Variants in PTPRZ1 observed in about 807,000 individuals in gnomAD.
PTPRZ1 encodes receptor-type tyrosine-protein phosphatase zeta.
PTPRZ1 carries 82 observed loss-of-function variants against 214.1 expected under a neutral mutation model. The observed-to-expected ratio is 0.38, with a 90% CI of 0.32 to 0.46. The LOEUF is 0.46. PTPRZ1 is among the 20% of genes least tolerant of loss of function. The pLI, the probability that PTPRZ1 is intolerant of heterozygous loss-of-function variation, is 1.00. For missense variants in PTPRZ1, 2,603 were observed against 2,748.7 expected (o/e 0.95, Z 1.19); for synonymous variants, 945 against 987.9 (o/e 0.96, Z 0.81).
intron 12 of PTPRZ1, among the ~76,000 whole-genome samples, chr7:122,014,237 G>A (rs1014506539): frequency 2.1e-4 from 32 of 151,950 alleles, no homozygotes; most frequent in Non-Finnish European, 3.5e-4. Context: ...ATCAGAGTAT[G>A]CTATTTTAGA....
At chr7:121,987,173 T>A (rs1379054736) in intron 8 of PTPRZ1, among the ~76,000 whole-genome samples, 1 of 152,226 alleles carries the variant, frequency 6.6e-6, no homozygotes, top group Non-Finnish European at 1.5e-5. Flanking sequence ...ACACATCTCT[T>A]CTGCAGTCTC....
chr7:121,987,013 C>T (rs550973820), intron 8 of PTPRZ1, among the ~76,000 whole-genome samples: 1 of 152,248 alleles, frequency 6.6e-6, no homozygotes, highest in African/African-American at 2.4e-5. Flanking sequence ...TATCTGCCTA[C>T]AGCTTAGACA....
intron 23 of PTPRZ1, among the ~76,000 whole-genome samples, chr7:122,045,297 G>A (rs766510861): frequency 6.6e-6 from 1 of 151,964 alleles, no homozygotes; most frequent in Non-Finnish European, 1.5e-5. Context: ...GGAGAAATAG[G>A]GCCAAATTTT....
At chr7:121,880,536 A>G (rs1033572293) in intron 1 of PTPRZ1, among the ~76,000 whole-genome samples, 15 of 152,142 alleles carry the variant, frequency 9.9e-5, no homozygotes, top group Admixed American at 6.6e-5. Flanking sequence ...GTATTTACCT[A>G]AGGATGGGTC....
intron 2 of PTPRZ1, among the ~76,000 whole-genome samples, chr7:121,934,841 T>C (rs553531442): frequency 7.2e-5 from 11 of 152,318 alleles, no homozygotes; most frequent in African/African-American, 2.4e-4. Context: ...CTATGCTAGA[T>C]AATGGTGACT....
intron 23 of PTPRZ1, among the ~76,000 whole-genome samples, chr7:122,050,885 A>G (rs1282098721): frequency 2.0e-5 from 3 of 152,170 alleles, no homozygotes; most frequent in Non-Finnish European, 2.9e-5. Context: ...CTCTATGGAA[A>G]CCGTCACACA....
At chr7:121,885,314 G>A (rs1288924325) in intron 1 of PTPRZ1, among the ~76,000 whole-genome samples, 10 of 152,076 alleles carry the variant, frequency 6.6e-5, no homozygotes, top group Admixed American at 6.6e-4. Context: ...TAAACTCTTG[G>A]TGCCAAAATT....
rs1051029240 is a variant in PTPRZ1 at position 121,990,208 on chromosome 7, A to G, written c.928+6091A>G. On this transcript the variant is annotated intron_variant, in intron 8 of 29. Coordinates refer to ENST00000393386, the MANE Select transcript of PTPRZ1 (RefSeq NM_002851.3). ...TCAAAATCTTGCTCTCAATAAATGC[A>G]TTGTAGGAAAATGTATTTTTAGAAA... Among the ~76,000 whole-genome samples the G allele has an allele frequency of 7.9e-5, 12 of 152,284 alleles. No individual in the cohort carries two copies. In the South Asian group the frequency reaches 1.9e-3, roughly 24 times the overall value.
chr7:121,884,853 A>G (rs1044825003), intron 1 of PTPRZ1, among the ~76,000 whole-genome samples: 1 of 152,218 alleles, frequency 6.6e-6, no homozygotes, highest in Non-Finnish European at 1.5e-5. Context: ...AAAGACATGA[A>G]TTCATTTTTT....
intron 6 of PTPRZ1, among the ~76,000 whole-genome samples, chr7:121,980,026 GA>G (rs57030236): frequency 0.064 from 9,103 of 143,148 alleles, 341 homozygotes; most frequent in Non-Finnish European, 0.089. Context: ...AGAGGAAAAT[GA>G]AAAAAAAAAA....
In PTPRZ1 at chr7:121,996,545, G is replaced by A; in HGVS notation, c.1092G>A (p.Leu364=). The A allele has an allele frequency of 6.8e-7, 1 of 1,470,820 alleles. No homozygotes were observed. The highest frequency in any genetic ancestry group is 9.2e-7 in the Non-Finnish European group (1 of 1,089,846). 91.1% of individuals were successfully genotyped at this position (1,470,820 alleles called of 1,614,324 possible). The part of the protein sequence containing the change: ...DGEDQTKHEF[L]TDGYQDLGAI... ...AGGACCAAACCAAGCATGAATTTTTGACAGATGGCTATCAAGACTTGGTAA... is the reference window on the plus strand; with the variant it reads ...AGGACCAAACCAAGCATGAATTTTTAACAGATGGCTATCAAGACTTGGTAA... The change falls in exon 9 of 30, where the codon TTG becomes TTA. Residue 364 remains leucine (L), a synonymous_variant. Coordinates refer to ENST00000393386, the MANE Select transcript of PTPRZ1 (RefSeq NM_002851.3).
At chr7:122,050,637 CT>C (rs1347273817) in intron 23 of PTPRZ1, among the ~76,000 whole-genome samples, 1 of 151,970 alleles carries the variant, frequency 6.6e-6, no homozygotes, top group Non-Finnish European at 1.5e-5. Flanking sequence ...ATGTTTCCAA[CT>C]TTTTACACAC....
intron 9 of PTPRZ1, 62 bp from the exon 10 acceptor site, chr7:121,997,818 C>T: frequency 2.8e-6 from 4 of 1,441,624 alleles, no homozygotes; most frequent in Non-Finnish European, 1.9e-6. Context: ...AGGAAAGATA[C>T]CTAGTGTGTT....
chr7:121,965,240 A>C (rs556293058), intron 2 of PTPRZ1, among the ~76,000 whole-genome samples: 13 of 152,228 alleles, frequency 8.5e-5, no homozygotes, highest in African/African-American at 3.1e-4. Flanking sequence ...CACAAATCTG[A>C]AATTAAGGTG....
At chr7:122,057,922 G>A (rs1303915220) in intron 27 of PTPRZ1, among the ~76,000 whole-genome samples, 5 of 149,702 alleles carry the variant, frequency 3.3e-5, no homozygotes, top group African/African-American at 9.9e-5. Context: ...TTATGAATTA[G>A]CAATATCAGT....
At chr7:122,004,783 T>C in intron 11 of PTPRZ1, 123 bp downstream of exon 11, 3 of 560,414 alleles carry the variant, frequency 5.4e-6, no homozygotes, top group South Asian at 4.3e-5. Flanking sequence ...GTTTGTGGGG[T>C]TAGTTGCTAA....
chr7:121,963,329 A>G lies in PTPRZ1; in HGVS notation c.125-4622A>G, dbSNP rs560805224. 2.6e-5 allele frequency among the ~76,000 whole-genome samples: 4 copies of G among 152,356 alleles called. 1 individual carries two copies. The highest frequency in any genetic ancestry group is 9.6e-5 in the African/African-American group (4 of 41,592). ...TAAGGGTGAGACAGCAAAAACTGGCACTAGGGAGACACCCTTTTAGGGAGT... is the reference window on the plus strand; with the variant it reads ...TAAGGGTGAGACAGCAAAAACTGGCGCTAGGGAGACACCCTTTTAGGGAGT... On this transcript the variant is annotated intron_variant, in intron 2 of 29. Coordinates refer to ENST00000393386, the MANE Select transcript of PTPRZ1 (RefSeq NM_002851.3).
At position 122,045,488 on chromosome 7, in the gene PTPRZ1, G is replaced by A. The variant is rs376464315; in HGVS notation, c.6084+920G>A. 3.3e-5 allele frequency among the ~76,000 whole-genome samples: 5 copies of A among 152,178 alleles called. No homozygotes were observed. In the East Asian group the frequency reaches 7.7e-4, roughly 24 times the overall value. On this transcript the variant is annotated intron_variant, in intron 23 of 29. Transcript: ENST00000393386. ...ATTACTGCACGGTGTGCCTTTGGAG[G>A]TGTAAGAGAAAGATTGGGATCAATA...
chr7:121,977,216 T>G (rs1797467584), intron 6 of PTPRZ1, among the ~76,000 whole-genome samples: 1 of 152,200 alleles, frequency 6.6e-6, no homozygotes, highest in South Asian at 2.1e-4. Context: ...TTTATAAATA[T>G]CATATTTTAA....
Sources: gnomAD v4.1 joint callset for allele counts (sites outside exome capture counted in the v4.1 genomes callset) on GRCh38, gnomAD v4.1.1 for gene constraint, MANE v1.5 for transcripts, NCBI Gene and HGNC (gene_info 2026-07-23, HGNC 2026-07-21) for gene names.